The following CENPW variants were observed in gnomAD, a reference collection of about 807,000 sequenced individuals.
The protein encoded by CENPW is centromere protein W, also known as cancer-up-regulated gene 2 protein.
In CENPW, 3 loss-of-function variants were observed where a neutral mutation model predicts 11.1. The ratio of observed to expected loss-of-function variants is 0.27; its 90% CI spans 0.12 to 0.70. CENPW has a LOEUF of 0.70. CENPW is among the 30% of genes least tolerant of loss of function. The probability of loss-of-function intolerance (pLI) is 0.77; values close to 1 mark genes in which losing one functional copy is unlikely to be tolerated. For missense variants in CENPW, 100 were observed against 105.6 expected (o/e 0.95, Z 0.23); for synonymous variants, 38 against 42.0 (o/e 0.91, Z 0.37).
the CENPW span, among the ~76,000 whole-genome samples, chr6:126,390,233 G>A: frequency 4.1e-4 from 63 of 152,006 alleles, 2 homozygotes; most frequent in South Asian, 0.012. Flanking sequence ...TACTGCAATA[G>A]CTTGCTAACT....
At chr6:126,444,715 G>C in the CENPW span, among the ~76,000 whole-genome samples, 1 of 151,096 alleles carries the variant, frequency 6.6e-6, no homozygotes, top group Admixed American at 6.6e-5. Context: ...TGTTTTATGG[G>C]ATGTTTCCTG....
chr6:126,468,537 T>C, the CENPW span, among the ~76,000 whole-genome samples: 1 of 149,348 alleles, frequency 6.7e-6, no homozygotes, highest in South Asian at 2.1e-4. Context: ...GAAATCTGAA[T>C]AAATTATGGG....
chr6:126,452,089 C>T, the CENPW span, among the ~76,000 whole-genome samples: 1 of 151,062 alleles, frequency 6.6e-6, no homozygotes, highest in Non-Finnish European at 1.5e-5. Flanking sequence ...TCATAGACTG[C>T]AGAAGATGGG....
chr6:126,389,658 C>CTGTG, the CENPW span, among the ~76,000 whole-genome samples: 66,092 of 149,188 alleles, frequency 0.44, 16,135 homozygotes, highest in East Asian at 0.96. Flanking sequence ...GACCTTTGCT[C>CTGTG]TGTGTGTGTG....
chr6:126,351,406 C>A (rs1780489401), downstream of CENPW, among the ~76,000 whole-genome samples: 1 of 151,934 alleles, frequency 6.6e-6, no homozygotes, highest in Admixed American at 6.6e-5. Context: ...AAACCAAAGT[C>A]AAAATGAGGA....
downstream of CENPW, among the ~76,000 whole-genome samples, chr6:126,351,145 A>G (rs1583958505): frequency 8.2e-6 from 1 of 121,752 alleles, no homozygotes; most frequent in African/African-American, 2.6e-5. Flanking sequence ...AAAGAGAGAG[A>G]GTGAGTGTGT....
the CENPW span, among the ~76,000 whole-genome samples, chr6:126,393,744 A>G: frequency 6.7e-6 from 1 of 149,214 alleles, no homozygotes; most frequent in African/African-American, 2.4e-5. Flanking sequence ...TTATATATGG[A>G]TATACATATA....
chr6:126,461,652 C>T, the CENPW span, among the ~76,000 whole-genome samples: 1 of 151,836 alleles, frequency 6.6e-6, no homozygotes, highest in Admixed American at 6.6e-5. Context: ...TAATACGTTC[C>T]AGTGTCTGTA....
the CENPW span, among the ~76,000 whole-genome samples, chr6:126,478,154 A>G: frequency 6.6e-6 from 1 of 151,956 alleles, no homozygotes; most frequent in Non-Finnish European, 1.5e-5. Context: ...TGATTACACC[A>G]AAGCTATTTC....
chr6:126,416,846 C>A, the CENPW span, among the ~76,000 whole-genome samples: 1 of 152,196 alleles, frequency 6.6e-6, no homozygotes, highest in East Asian at 1.9e-4. Context: ...TCATGGAGAA[C>A]CTCTGCTAGG....
chr6:126,390,392 G>T, the CENPW span, among the ~76,000 whole-genome samples: 1 of 151,762 alleles, frequency 6.6e-6, no homozygotes, highest in African/African-American at 2.4e-5. Context: ...TTTGATACAG[G>T]CACCCAATGC....
chr6:126,385,405 C>T, the CENPW span, among the ~76,000 whole-genome samples: 2 of 151,962 alleles, frequency 1.3e-5, no homozygotes, highest in African/African-American at 4.8e-5. Context: ...GTGCATATAC[C>T]ATGGAATATT....
chr6:126,393,107 T>G, the CENPW span, among the ~76,000 whole-genome samples: 1 of 151,964 alleles, frequency 6.6e-6, no homozygotes, highest in Admixed American at 6.6e-5. Context: ...CTACTAATGA[T>G]CCTTTGAATT....
chr6:126,479,784 T>G, the CENPW span, among the ~76,000 whole-genome samples: 2 of 151,984 alleles, frequency 1.3e-5, no homozygotes, highest in South Asian at 4.1e-4. Context: ...ATCTTGCAGA[T>G]TCTATCATTT....
At chr6:126,381,884 T>C in the CENPW span, among the ~76,000 whole-genome samples, 1 of 152,140 alleles carries the variant, frequency 6.6e-6, no homozygotes, top group African/African-American at 2.4e-5. Context: ...AGTCCTGAGC[T>C]GAACCTTGGC....
the CENPW span, among the ~76,000 whole-genome samples, chr6:126,456,789 G>A: frequency 6.6e-6 from 1 of 151,244 alleles, no homozygotes; most frequent in East Asian, 1.9e-4. Flanking sequence ...GAGAAAATAT[G>A]CAAACTATGC....
chr6:126,449,245 A>G, the CENPW span, among the ~76,000 whole-genome samples: 4 of 151,164 alleles, frequency 2.6e-5, 1 homozygote, highest in South Asian at 8.3e-4. Context: ...TAGAGATGAT[A>G]TTAAAATCAT....
the CENPW span, among the ~76,000 whole-genome samples, chr6:126,354,359 A>G: frequency 6.6e-6 from 1 of 152,058 alleles, no homozygotes; most frequent in East Asian, 1.9e-4. Flanking sequence ...TTCTTCTGGC[A>G]TGTACCGAAC....
chr6:126,353,308 C>CT (rs1286361548), downstream of CENPW, among the ~76,000 whole-genome samples: 2 of 141,524 alleles, frequency 1.4e-5, no homozygotes, highest in Non-Finnish European at 3.1e-5. Context: ...TTCCTGTTTT[C>CT]TTTTTTTTCT....
Sources: gnomAD v4.1 joint callset for allele counts (sites outside exome capture counted in the v4.1 genomes callset) on GRCh38, gnomAD v4.1.1 for gene constraint, MANE v1.5 for transcripts, NCBI Gene and HGNC (gene_info 2026-07-23, HGNC 2026-07-21) for gene names.